AK5: variants seen among roughly 807,000 people sequenced by gnomAD.
AK5 encodes adenylate kinase isoenzyme 5.
In AK5, 27 loss-of-function variants were observed where a neutral mutation model predicts 69.5. That is an observed-to-expected ratio of 0.39 (90% CI 0.29 to 0.54). The LOEUF is 0.54. AK5 is among the 20% of genes least tolerant of loss of function. AK5 has a pLI of 0.71. For missense variants in AK5, 531 were observed against 700.4 expected (o/e 0.76, Z 2.73); for synonymous variants, 260 against 244.4 (o/e 1.06, Z -0.60).
intron 5 of AK5, among the ~76,000 whole-genome samples, chr1:77,333,899 A>G (rs1343142533): frequency 1.3e-5 from 2 of 152,252 alleles, no homozygotes; most frequent in African/African-American, 4.8e-5. Context: ...CTGAACAAGT[A>G]AAAGATTTTA....
At chr1:77,298,001 G>A (rs1659111379) in intron 5 of AK5, 54 bp downstream of exon 5, 1 of 1,354,674 alleles carries the variant, frequency 7.4e-7, no homozygotes, top group Non-Finnish European at 1.0e-6. Context: ...AAAATTTTGG[G>A]AATAAAAACA....
chr1:77,390,058 G>A (rs749626240), intron 6 of AK5, among the ~76,000 whole-genome samples: 32 of 152,070 alleles, frequency 2.1e-4, no homozygotes, highest in Non-Finnish European at 3.4e-4. Context: ...GTGAGAAGAG[G>A]GTCTCAGCTG....
At chr1:77,333,885 A>G (rs1452568460) in intron 5 of AK5, among the ~76,000 whole-genome samples, 2 of 152,364 alleles carry the variant, frequency 1.3e-5, no homozygotes, top group East Asian at 1.9e-4. Flanking sequence ...TAAAGGTACA[A>G]TTCCTGAACA....
chr1:77,499,604 C>T (rs17100646), intron 10 of AK5, among the ~76,000 whole-genome samples: 23,702 of 152,020 alleles, frequency 0.16, 2,160 homozygotes, highest in South Asian at 0.36. Flanking sequence ...GCAGAACACC[C>T]TGGTTTTTTT....
intron 9 of AK5, among the ~76,000 whole-genome samples, chr1:77,485,211 T>C (rs1339543260): frequency 1.3e-5 from 2 of 152,252 alleles, no homozygotes; most frequent in Non-Finnish European, 2.9e-5. Flanking sequence ...AAATTCTCTT[T>C]GTTTGTTTGT....
At chr1:77,526,920 A>C (rs1277774894) in intron 12 of AK5, among the ~76,000 whole-genome samples, 1 of 151,878 alleles carries the variant, frequency 6.6e-6, no homozygotes, top group South Asian at 2.1e-4. Flanking sequence ...TATAATCCTT[A>C]TTCTTCTTTG....
chr1:77,554,496 T>C (rs1659975711), intron 13 of AK5, among the ~76,000 whole-genome samples: 1 of 152,230 alleles, frequency 6.6e-6, no homozygotes, highest in Non-Finnish European at 1.5e-5. Context: ...ATGAATGGCC[T>C]GTCAAGTCCT....
At chr1:77,391,972 C>T (rs1648516832) in intron 6 of AK5, among the ~76,000 whole-genome samples, 1 of 152,126 alleles carries the variant, frequency 6.6e-6, no homozygotes, top group South Asian at 2.1e-4. Flanking sequence ...CTGCATTTTC[C>T]TCGTTCTACA....
chr1:77,417,624 C>G lies in AK5; in HGVS notation c.983-15C>G. ...GACAACCTCCATCCACTTATCTTTT[C>G]TTTCCTAATCTTAGGTTCAAGTGAC... On this transcript the variant is annotated splice_polypyrimidine_tract_variant and intron_variant, in intron 7 of 13. Transcript: ENST00000354567. 1 of 1,566,514 alleles carries G rather than the reference C, an allele frequency of 6.4e-7. No individual in the cohort carries two copies. The highest frequency in any genetic ancestry group is 8.8e-7 in the Non-Finnish European group (1 of 1,138,540).
intron 1 of AK5, among the ~76,000 whole-genome samples, chr1:77,285,215 C>T (rs1158832443): frequency 1.3e-5 from 2 of 152,236 alleles, no homozygotes; most frequent in East Asian, 1.9e-4. Context: ...AAATATATGA[C>T]ACAGAGGCTT....
At chr1:77,383,643 T>C (rs1647807730) in intron 6 of AK5, among the ~76,000 whole-genome samples, 1 of 152,196 alleles carries the variant, frequency 6.6e-6, no homozygotes, top group Non-Finnish European at 1.5e-5. Flanking sequence ...AATATATTTC[T>C]TGTTTCTGAC....
At chr1:77,380,300 T>A (rs1240022618) in intron 6 of AK5, among the ~76,000 whole-genome samples, 2 of 152,144 alleles carry the variant, frequency 1.3e-5, no homozygotes, top group Non-Finnish European at 2.9e-5. Flanking sequence ...GAGTACCAGA[T>A]TCTGTGCTAA....
chr1:77,391,119 G>A (rs146523522), intron 6 of AK5, among the ~76,000 whole-genome samples: 3 of 152,200 alleles, frequency 2.0e-5, no homozygotes, highest in African/African-American at 7.2e-5. Context: ...AAAAGCAGAA[G>A]GGAGGAAAAG....
At chr1:77,525,467 A>C (rs1051959262) in intron 12 of AK5, among the ~76,000 whole-genome samples, 7 of 152,218 alleles carry the variant, frequency 4.6e-5, no homozygotes, top group African/African-American at 1.7e-4. Context: ...AGGCCTCAGG[A>C]AGCTTCCACT....
chr1:77,308,775 C>G (rs115818049), intron 5 of AK5, among the ~76,000 whole-genome samples: 1 of 152,082 alleles, frequency 6.6e-6, no homozygotes, highest in African/African-American at 2.4e-5. Context: ...TCAAGGCCAG[C>G]CTGGGCAACA....
At chr1:77,500,875 G>T (rs200070773) in intron 10 of AK5, among the ~76,000 whole-genome samples, 1 of 151,262 alleles carries the variant, frequency 6.6e-6, no homozygotes, top group Non-Finnish European at 1.5e-5. Flanking sequence ...GTTTTGTTTT[G>T]TTTTTTTTTA....
At chr1:77,454,674 A>C (rs1268588273) in intron 8 of AK5, among the ~76,000 whole-genome samples, 1 of 152,252 alleles carries the variant, frequency 6.6e-6, no homozygotes, top group Admixed American at 6.5e-5. Flanking sequence ...AGTCAAGTTG[A>C]ATATATAACA....
chr1:77,347,089 AAATAGT>A (rs1326003862), intron 6 of AK5, among the ~76,000 whole-genome samples: 1 of 152,184 alleles, frequency 6.6e-6, no homozygotes, highest in African/African-American at 2.4e-5. Context: ...GTGACTAAGA[AAATAGT>A]CGAGGAAGAG....
chr1:77,518,139 G>A (rs530841904), intron 10 of AK5, among the ~76,000 whole-genome samples: 1 of 152,142 alleles, frequency 6.6e-6, no homozygotes, highest in South Asian at 2.1e-4. Context: ...CTAAGTATCA[G>A]GAATTGTGGC....
Sources: allele counts gnomAD v4.1 joint callset (sites outside exome capture counted in the v4.1 genomes callset), GRCh38; gene constraint gnomAD v4.1.1; transcripts MANE v1.5; gene names NCBI Gene and HGNC (gene_info 2026-07-23, HGNC 2026-07-21).